The following SPOPL variants were observed in gnomAD, a reference collection of about 807,000 sequenced individuals.
SPOPL encodes speckle type BTB/POZ protein like.
SPOPL carries 23 observed loss-of-function variants against 53.8 expected under a neutral mutation model. The ratio of observed to expected loss-of-function variants is 0.43; its 90% CI spans 0.31 to 0.61. The LOEUF (loss-of-function observed/expected upper bound fraction) is 0.61. Among genes scored for constraint, SPOPL ranks in the 20% least tolerant of loss-of-function variants. The probability of loss-of-function intolerance (pLI) is 0.12; values close to 1 mark genes in which losing one functional copy is unlikely to be tolerated. For synonymous variants in SPOPL, 164 were observed against 149.7 expected (o/e 1.10, Z -0.70); for missense variants, 442 against 466.9 (o/e 0.95, Z 0.49).
chr2:138,547,877 T>C (rs1685231992), intron 1 of SPOPL, among the ~76,000 whole-genome samples: 1 of 152,176 alleles, frequency 6.6e-6, no homozygotes, highest in Non-Finnish European at 1.5e-5. Context: ...TTTGATTTTT[T>C]TTAGATATAT....
At chr2:138,512,726 TG>T (rs1260765634) in intron 1 of SPOPL, among the ~76,000 whole-genome samples, 93 of 152,204 alleles carry the variant, frequency 6.1e-4, no homozygotes, top group Non-Finnish European at 2.9e-5. Flanking sequence ...TTGTTTTCAT[TG>T]TTTTTTGTTT....
At position 138,552,572 on chromosome 2, in the gene SPOPL, G is replaced by A. The variant is rs757299951; in HGVS notation, c.371G>A (p.Arg124Gln). The change falls in exon 5 of 11, where the codon CGA becomes CAA. Residue 124 changes from arginine (R) to glutamine (Q), a missense_variant. Transcript: ENST00000280098. ...TKAMESQRAY[R>Q]FVQGKDWGFK... is the part of the protein sequence containing the mutation. ...CCACCAGAAAGCCAAAGAGCATATC[G>A]ATTTGTGCAAGGGAAGGACTGGGGT... is the stretch of plus-strand genomic sequence containing the variant. 12 of 1,611,180 alleles carry A rather than the reference G, an allele frequency of 7.4e-6. No individual in the cohort carries two copies. Among genetic ancestry groups the A allele is most frequent in the African/African-American group, 1.3e-5 (1 of 74,760 alleles).
intron 4 of SPOPL, among the ~76,000 whole-genome samples, chr2:138,551,905 G>C (rs780400247): frequency 1.3e-5 from 2 of 151,828 alleles, no homozygotes; most frequent in African/African-American, 4.8e-5. Flanking sequence ...TGAAATATTT[G>C]CTTCAGATGT....
intron 7 of SPOPL, among the ~76,000 whole-genome samples, chr2:138,560,505 GGT>G (rs1046513174): frequency 3.3e-4 from 50 of 151,498 alleles, no homozygotes; most frequent in Admixed American, 6.6e-5. Flanking sequence ...TCCACATGGT[GGT>G]GCTTGGCTTG....
chr2:138,563,467 G>A (rs1329647904), intron 8 of SPOPL, among the ~76,000 whole-genome samples: 2 of 152,164 alleles, frequency 1.3e-5, no homozygotes, highest in African/African-American at 4.8e-5. Context: ...GGGCAACAGA[G>A]CAAGACCCTG....
chr2:138,539,004 G>GT (rs1302390815), intron 1 of SPOPL, among the ~76,000 whole-genome samples: 3 of 152,002 alleles, frequency 2.0e-5, no homozygotes, highest in Non-Finnish European at 4.4e-5. Flanking sequence ...GCGGTGTTTG[G>GT]TTTTTTGTCC....
At position 138,528,051 on chromosome 2, in the gene SPOPL, A is replaced by G. The variant is rs577523676; in HGVS notation, c.-60-22106A>G. Among the ~76,000 whole-genome samples, 6 of 152,294 alleles carry G rather than the reference A, an allele frequency of 3.9e-5. No homozygotes were observed. In the South Asian group the frequency reaches 8.3e-4, roughly 21 times the overall value. Reference sequence around the variant, plus strand: ...TCGCATCTCATTCCTAATGTCTGCTATGATATTGAGAGTTAGTCCAACCTG... The same window carrying G: ...TCGCATCTCATTCCTAATGTCTGCTGTGATATTGAGAGTTAGTCCAACCTG... On this transcript the variant is annotated intron_variant, in intron 1 of 10. Coordinates refer to ENST00000280098, the MANE Select transcript of SPOPL (RefSeq NM_001001664.3).
chr2:138,557,493 A>G (rs1685451978), intron 5 of SPOPL, among the ~76,000 whole-genome samples: 1 of 152,224 alleles, frequency 6.6e-6, no homozygotes, highest in South Asian at 2.1e-4. Context: ...AACATTTTAC[A>G]TTGGACCATT....
chr2:138,558,939 C>T lies in SPOPL; in HGVS notation c.481-83C>T, dbSNP rs113373557. ...ATTGAATTATCCAAATAAGCTTAAA[C>T]ATAAAAAATTGAAGTATGGACTTAA... On this transcript the variant is annotated intron_variant, in intron 5 of 10. Coordinates refer to ENST00000280098, the MANE Select transcript of SPOPL (RefSeq NM_001001664.3). 5.4e-4 allele frequency: 629 copies of T among 1,166,440 alleles called. 2 individuals are homozygous for T. In the African/African-American group the frequency reaches 7.5e-3, roughly 14 times the overall value. 72.3% of individuals were successfully genotyped at this position (1,166,440 alleles called of 1,614,324 possible). A position where few individuals can be genotyped will look rare whatever the true frequency, so the allele number is the denominator to read the frequency against.
At chr2:138,513,791 T>C (rs557336426) in intron 1 of SPOPL, among the ~76,000 whole-genome samples, 1 of 152,006 alleles carries the variant, frequency 6.6e-6, no homozygotes, top group Non-Finnish European at 1.5e-5. Flanking sequence ...CATACCTTTC[T>C]TTGTTTTGAT....
chr2:138,527,745 T>C (rs1375008546), intron 1 of SPOPL, among the ~76,000 whole-genome samples: 3 of 152,244 alleles, frequency 2.0e-5, no homozygotes, highest in Non-Finnish European at 4.4e-5. Context: ...TCCGTTCATA[T>C]ATTAGGATGA....
rs1428903092 is a variant in SPOPL at position 138,504,291 on chromosome 2, T to C, written c.-61+2172T>C. Among the ~76,000 whole-genome samples the C allele has an allele frequency of 2.6e-5, 4 of 152,238 alleles. No homozygotes were observed. In the East Asian group the frequency reaches 7.7e-4, roughly 29 times the overall value. Reference sequence around the variant, plus strand: ...CTGTTCCCTGACCTAGAATAACCTTTGCTCTTTCTCCTGTATATCCAGGTT... The same window carrying C: ...CTGTTCCCTGACCTAGAATAACCTTCGCTCTTTCTCCTGTATATCCAGGTT... On this transcript the variant is annotated intron_variant, in intron 1 of 10. Coordinates refer to ENST00000280098, the MANE Select transcript of SPOPL (RefSeq NM_001001664.3).
At position 138,569,198 on chromosome 2, in the gene SPOPL, G is replaced by C. The variant is rs1685728730; in HGVS notation, c.*118G>C. Reference sequence around the variant, plus strand: ...CTGTTATTTTGTCCACAGAACAGAAGCTGAAAAAGCATATTGCTTGCATTT... The same window carrying C: ...CTGTTATTTTGTCCACAGAACAGAACCTGAAAAAGCATATTGCTTGCATTT... On this transcript the variant is annotated 3_prime_UTR_variant, in exon 11 of 11. Transcript: ENST00000280098. 1.7e-6 allele frequency: 2 copies of C among 1,158,072 alleles called. No individual in the cohort carries two copies. The highest frequency in any genetic ancestry group is 2.4e-6 in the Non-Finnish European group (2 of 816,912). The allele number at this position is 1,158,072 out of a possible 1,614,324, so 71.7% of individuals were successfully genotyped here.
rs1468492882 is a variant in SPOPL at position 138,502,083 on chromosome 2, T to G, written c.-97T>G. 1.3e-5 allele frequency: 2 copies of G among 152,608 alleles called. No individual in the cohort carries two copies. Among genetic ancestry groups the G allele is most frequent in the Non-Finnish European group, 2.9e-5 (2 of 68,406 alleles). The allele number at this position is 152,608 out of a possible 1,614,324, so 9.5% of individuals were successfully genotyped here. On this transcript the variant is annotated 5_prime_UTR_variant, in exon 1 of 11. Coordinates refer to ENST00000280098, the MANE Select transcript of SPOPL (RefSeq NM_001001664.3). ...CCACCGCCTCAGCGGGAGAGGAGTC[T>G]CCACCAGGACTGACCGCTGCCGCCC...
intron 1 of SPOPL, among the ~76,000 whole-genome samples, chr2:138,529,536 T>TG (rs72375808): frequency 5.1e-5 from 5 of 97,632 alleles, no homozygotes; most frequent in Non-Finnish European, 2.2e-5. Flanking sequence ...GTGTGTGTGT[T>TG]TGCGTGCGCG....
chr2:138,523,336 C>T (rs1217109497), intron 1 of SPOPL, among the ~76,000 whole-genome samples: 1 of 152,150 alleles, frequency 6.6e-6, no homozygotes, highest in Non-Finnish European at 1.5e-5. Context: ...AGTCATCTCC[C>T]ACCAGGTCCC....
At chr2:138,525,663 A>AAAAAAAC (rs113232337) in intron 1 of SPOPL, among the ~76,000 whole-genome samples, 89,281 of 130,186 alleles carry the variant, frequency 0.69, 30,420 homozygotes, top group Middle Eastern at 0.78. Context: ...GTAGAAAAAA[A>AAAAAAAC]AAAAAAAAAA....
At chr2:138,527,747 T>G (rs912343551) in intron 1 of SPOPL, among the ~76,000 whole-genome samples, 14 of 152,232 alleles carry the variant, frequency 9.2e-5, no homozygotes, top group African/African-American at 3.4e-4. Context: ...CGTTCATATA[T>G]TAGGATGAGG....
intron 1 of SPOPL, among the ~76,000 whole-genome samples, chr2:138,531,472 T>C (rs1684808011): frequency 6.6e-6 from 1 of 152,188 alleles, no homozygotes; most frequent in Non-Finnish European, 1.5e-5. Flanking sequence ...CAATTTTTCG[T>C]TGGCCAGTTT....
Sources: allele counts gnomAD v4.1 joint callset (sites outside exome capture counted in the v4.1 genomes callset), GRCh38; gene constraint gnomAD v4.1.1; transcripts MANE v1.5; gene names NCBI Gene and HGNC (gene_info 2026-07-23, HGNC 2026-07-21).